BORCS5: variants seen among roughly 807,000 people sequenced by gnomAD.
The protein encoded by BORCS5 is BLOC-1-related complex subunit 5.
Under a neutral mutation model 22.1 loss-of-function variants are expected in BORCS5, and 17 were observed. That is an observed-to-expected ratio of 0.77 (90% CI 0.53 to 1.15). BORCS5 has a LOEUF of 1.15. Ranked by LOEUF, BORCS5 falls within the 50% of genes most tolerant of loss-of-function variation. The pLI, the probability that BORCS5 is intolerant of heterozygous loss-of-function variation, is 0.00. For synonymous variants in BORCS5, 117 were observed against 99.8 expected, an observed-to-expected ratio of 1.17 and a Z score of -1.03; for missense variants, 247 against 253.2, an observed-to-expected ratio of 0.98 and a Z score of 0.17.
At chr12:12,419,751 A>G (rs1942066030) in intron 2 of BORCS5, among the ~76,000 whole-genome samples, 1 of 152,148 alleles carries the variant, frequency 6.6e-6, no homozygotes, top group African/African-American at 2.4e-5. Context: ...TTGGCATGAG[A>G]TGGTATCTCA....
At chr12:12,378,620 A>G (rs1863709017) in intron 2 of BORCS5, among the ~76,000 whole-genome samples, 1 of 143,188 alleles carries the variant, frequency 7.0e-6, no homozygotes, top group South Asian at 2.2e-4. Context: ...AAGGAGACTA[A>G]GGAGACATGC....
chr12:12,425,797 A>G (rs1344162907), intron 2 of BORCS5, among the ~76,000 whole-genome samples: 2 of 152,162 alleles, frequency 1.3e-5, no homozygotes, highest in Admixed American at 1.3e-4. Flanking sequence ...GCTATTTCCT[A>G]CAGTGCTAGT....
chr12:12,416,012 A>G (rs1941939637), intron 2 of BORCS5, among the ~76,000 whole-genome samples: 1 of 152,158 alleles, frequency 6.6e-6, no homozygotes, highest in African/African-American at 2.4e-5. Context: ...TACTAATTAT[A>G]GGTCTATTCA....
chr12:12,390,333 C>G (rs970025388), intron 2 of BORCS5, among the ~76,000 whole-genome samples: 1 of 152,042 alleles, frequency 6.6e-6, no homozygotes, highest in Non-Finnish European at 1.5e-5. Flanking sequence ...TCTTTTTTAC[C>G]TTTCCTAAAT....
intron 3 of BORCS5, chr12:12,452,409 C>G: frequency 1.8e-6 from 1 of 565,482 alleles, no homozygotes; most frequent in South Asian, 1.4e-5. Context: ...AATGTTTCCA[C>G]AAATCCATAG....
At chr12:12,416,135 A>G (rs991666926) in intron 2 of BORCS5, among the ~76,000 whole-genome samples, 60 of 152,202 alleles carry the variant, frequency 3.9e-4, no homozygotes, top group African/African-American at 1.4e-3. Context: ...AGTACCTTGT[A>G]AAGTCATTTT....
Position 12,357,125 on chromosome 12 carries a change from G to A in BORCS5, c.-327G>A. The A allele has an allele frequency of 1.3e-6, 2 of 1,534,254 alleles. No homozygotes were observed. The highest frequency in any genetic ancestry group is 2.4e-5 in the South Asian group (2 of 83,978). Reference sequence around the variant, plus strand: ...GCTTGCGGAGCGTGAACCAGTGAGTGAAAGCGGCGCCGCCCGCCGGCCGCA... The same window carrying A: ...GCTTGCGGAGCGTGAACCAGTGAGTAAAAGCGGCGCCGCCCGCCGGCCGCA... On this transcript the variant is annotated 5_prime_UTR_variant, in exon 1 of 4. Transcript: ENST00000314565.
chr12:12,428,797 T>C (rs765673792), intron 2 of BORCS5, among the ~76,000 whole-genome samples: 2 of 152,174 alleles, frequency 1.3e-5, no homozygotes, highest in Non-Finnish European at 2.9e-5. Flanking sequence ...GACAAAATAT[T>C]AGTTGTTGAA....
Position 12,451,790 on chromosome 12 carries a change from C to T in BORCS5, c.361-13756C>T, listed in dbSNP as rs903879028. Among the ~76,000 whole-genome samples, 4 of 151,806 alleles carry T rather than the reference C, an allele frequency of 2.6e-5. No individual in the cohort carries two copies. In the East Asian group the frequency reaches 7.7e-4, roughly 29 times the overall value. The stretch of plus-strand genomic sequence containing the variant: ...AAAATTAGCTGGGCGTGGTGGCGCT[C>T]GCCTGTAGTCCCAGCTACTCAGGAG... On this transcript the variant is annotated intron_variant, in intron 3 of 3. Transcript: ENST00000314565.
chr12:12,396,091 G>A (rs1941334231), intron 2 of BORCS5, among the ~76,000 whole-genome samples: 1 of 152,000 alleles, frequency 6.6e-6, no homozygotes, highest in Non-Finnish European at 1.5e-5. Flanking sequence ...GGGTTCAAGC[G>A]ATTCTCCTGC....
intron 2 of BORCS5, among the ~76,000 whole-genome samples, chr12:12,406,544 T>A (rs566115287): frequency 6.6e-6 from 1 of 152,324 alleles, no homozygotes; most frequent in African/African-American, 2.4e-5. Context: ...GTATTTCAGA[T>A]TTTTTTCTTG....
chr12:12,424,291 A>T (rs748365304), intron 2 of BORCS5, among the ~76,000 whole-genome samples: 8 of 152,012 alleles, frequency 5.3e-5, no homozygotes, highest in Non-Finnish European at 1.0e-4. Flanking sequence ...TTATTCACTC[A>T]TTCTTTCTTC....
At chr12:12,425,844 TAGGATAG>T (rs1465363817) in intron 2 of BORCS5, among the ~76,000 whole-genome samples, 2,049 of 152,298 alleles carry the variant, frequency 0.013, 37 homozygotes, top group African/African-American at 0.046. Context: ...CTTATAGTGG[TAGGATAG>T]GCCAGTCATA....
chr12:12,415,430 A>G (rs1259456404), intron 2 of BORCS5, among the ~76,000 whole-genome samples: 42 of 151,416 alleles, frequency 2.8e-4, no homozygotes, highest in Non-Finnish European at 4.1e-4. Flanking sequence ...TGCGCCTGCA[A>G]TCGCAGGCAC....
chr12:12,449,418 C>A (rs1457213588), intron 3 of BORCS5, among the ~76,000 whole-genome samples: 2 of 152,146 alleles, frequency 1.3e-5, no homozygotes, highest in Non-Finnish European at 2.9e-5. Context: ...TTGCTGCCAT[C>A]AATGCCATTT....
intron 3 of BORCS5, among the ~76,000 whole-genome samples, chr12:12,461,023 CA>C (rs1943094013): frequency 6.6e-6 from 1 of 152,312 alleles, no homozygotes; most frequent in Non-Finnish European, 1.5e-5. Flanking sequence ...GTTCTATGCT[CA>C]AATAACCTCC....
At chr12:12,452,452 A>G (rs1451593225) in intron 3 of BORCS5, 4 of 513,476 alleles carry the variant, frequency 7.8e-6, no homozygotes, top group Non-Finnish European at 1.6e-5. Context: ...GCGGTTTCCC[A>G]TGATTGTTAA....
intron 2 of BORCS5, among the ~76,000 whole-genome samples, chr12:12,384,715 A>C (rs1385654067): frequency 6.6e-6 from 1 of 151,140 alleles, no homozygotes; most frequent in African/African-American, 2.4e-5. Flanking sequence ...TTTTTAAAAG[A>C]CGACAATCAC....
chr12:12,420,146 C>G (rs1192619366), intron 2 of BORCS5, among the ~76,000 whole-genome samples: 1 of 146,792 alleles, frequency 6.8e-6, no homozygotes, highest in African/African-American at 2.7e-5. Context: ...ATGGTATTGC[C>G]TAGGTTTTCT....
Sources: allele counts gnomAD v4.1 joint callset (sites outside exome capture counted in the v4.1 genomes callset), GRCh38; gene constraint gnomAD v4.1.1; transcripts MANE v1.5; gene names NCBI Gene and HGNC (gene_info 2026-07-23, HGNC 2026-07-21).